PHLDB2: variants seen among roughly 807,000 people sequenced by gnomAD.
PHLDB2 encodes pleckstrin homology-like domain family B member 2.
A neutral mutation model predicts 123.6 loss-of-function variants in PHLDB2; 71 were observed. That is an observed-to-expected ratio of 0.57 (90% CI 0.47 to 0.70). The LOEUF (loss-of-function observed/expected upper bound fraction) is 0.70. PHLDB2 is among the 30% of genes least tolerant of loss of function. The probability of loss-of-function intolerance (pLI) is 0.00; values close to 1 mark genes in which losing one functional copy is unlikely to be tolerated. For synonymous variants in PHLDB2, 547 were observed against 541.6 expected (o/e 1.01, Z -0.14); for missense variants, 1,446 against 1,519.5 (o/e 0.95, Z 0.80).
chr3:111,919,018 G>A, intron 3 of PHLDB2, 54 bp from the exon 4 acceptor site: 1 of 1,587,220 alleles, frequency 6.3e-7, no homozygotes, highest in Non-Finnish European at 8.6e-7. Context: ...AGTCAAGTTG[G>A]GAAATTCTAG....
At chr3:111,882,884 A>G (rs1038257981) in intron 1 of PHLDB2, among the ~76,000 whole-genome samples, 5 of 152,206 alleles carry the variant, frequency 3.3e-5, no homozygotes, top group African/African-American at 9.6e-5. Flanking sequence ...GGACAACAAG[A>G]GCTAGAGGGG....
At chr3:111,860,492 G>A (rs911585474) in intron 1 of PHLDB2, among the ~76,000 whole-genome samples, 1 of 152,178 alleles carries the variant, frequency 6.6e-6, no homozygotes, top group African/African-American at 2.4e-5. Context: ...TTGCTGGTTC[G>A]CTTAATAACT....
At chr3:111,905,047 C>T (rs558499965) in intron 2 of PHLDB2, among the ~76,000 whole-genome samples, 83 of 152,230 alleles carry the variant, frequency 5.5e-4, no homozygotes, top group Admixed American at 1.3e-3. Context: ...TGCATGAGAG[C>T]GGGCCCTCTA....
At chr3:111,971,423 T>G (rs1483668731) in intron 16 of PHLDB2, among the ~76,000 whole-genome samples, 1 of 150,638 alleles carries the variant, frequency 6.6e-6, no homozygotes, top group Non-Finnish European at 1.5e-5. Context: ...AACCAAAACT[T>G]CTGGTGACTG....
chr3:111,782,894 T>C (rs1445179998), intron 1 of PHLDB2, among the ~76,000 whole-genome samples: 1 of 152,126 alleles, frequency 6.6e-6, no homozygotes, highest in Non-Finnish European at 1.5e-5. Context: ...TCTTCTTTTT[T>C]AGGATTCTCT....
At chr3:111,763,828 T>C (rs1440500071) in intron 1 of PHLDB2, among the ~76,000 whole-genome samples, 2 of 152,130 alleles carry the variant, frequency 1.3e-5, no homozygotes, top group Non-Finnish European at 2.9e-5. Flanking sequence ...AAACAGTCCC[T>C]CACCAGACAC....
intron 2 of PHLDB2, among the ~76,000 whole-genome samples, chr3:111,906,527 G>A (rs11716038): frequency 0.31 from 47,172 of 152,084 alleles, 7,606 homozygotes; most frequent in Middle Eastern, 0.38. Flanking sequence ...GAAGAGGGAA[G>A]TCTAGGGAAT....
chr3:111,906,786 T>TA (rs896554466), intron 2 of PHLDB2, among the ~76,000 whole-genome samples: 4 of 152,170 alleles, frequency 2.6e-5, no homozygotes, highest in Non-Finnish European at 4.4e-5. Context: ...TCCAATAACT[T>TA]ACAGTTGCCT....
At chr3:111,821,594 T>C (rs1226881595) in intron 1 of PHLDB2, among the ~76,000 whole-genome samples, 2 of 152,142 alleles carry the variant, frequency 1.3e-5, no homozygotes, top group Admixed American at 6.6e-5. Context: ...CCATCCACAA[T>C]ATGGAGGTAA....
At chr3:111,872,834 G>A (rs2065412701) in intron 1 of PHLDB2, among the ~76,000 whole-genome samples, 1 of 152,142 alleles carries the variant, frequency 6.6e-6, no homozygotes, top group Non-Finnish European at 1.5e-5. Context: ...GATTTGTAAG[G>A]TTAAGAGAAA....
At chr3:111,901,079 G>A (rs1439982305) in intron 2 of PHLDB2, among the ~76,000 whole-genome samples, 3 of 152,042 alleles carry the variant, frequency 2.0e-5, no homozygotes, top group Non-Finnish European at 4.4e-5. Flanking sequence ...TTTAACACAG[G>A]CCAGGCTTGG....
chr3:111,882,815 G>A (rs564900632), intron 1 of PHLDB2, among the ~76,000 whole-genome samples: 2 of 152,178 alleles, frequency 1.3e-5, no homozygotes, highest in Admixed American at 6.5e-5. Context: ...GGCTGAGAGG[G>A]AGTGAGGAAG....
chr3:111,835,696 C>G (rs542113189), intron 1 of PHLDB2, among the ~76,000 whole-genome samples: 5 of 152,302 alleles, frequency 3.3e-5, no homozygotes, highest in African/African-American at 1.2e-4. Flanking sequence ...AAGGATAGGA[C>G]TAGGAATCAT....
Position 111,815,660 on chromosome 3 carries a change from A to C in PHLDB2, c.-48-30161A>C, listed in dbSNP as rs547153791. On this transcript the variant is annotated intron_variant, in intron 1 of 17. Transcript: ENST00000393923. Reference sequence around the variant, plus strand: ...GGGTGACTTGGGTGCTGTTAGAGGCATTCAGTTTTATAAGGGAAGCAGAGC... The same window carrying C: ...GGGTGACTTGGGTGCTGTTAGAGGCCTTCAGTTTTATAAGGGAAGCAGAGC... 3.3e-5 allele frequency among the ~76,000 whole-genome samples: 5 copies of C among 152,346 alleles called. No homozygotes were observed. The East Asian group carries it at 9.6e-4, about 29-fold the overall frequency.
intron 1 of PHLDB2, among the ~76,000 whole-genome samples, chr3:111,840,130 T>C (rs1338444093): frequency 6.6e-6 from 1 of 151,760 alleles, no homozygotes; most frequent in African/African-American, 2.4e-5. Context: ...TACATGCCTG[T>C]AGTCCTACCT....
intron 6 of PHLDB2, among the ~76,000 whole-genome samples, chr3:111,939,220 TGTG>T (rs2069708434): frequency 4.7e-3 from 1 of 214 alleles, no homozygotes; most frequent in Non-Finnish European, 0.017. Context: ...AGCCACCCAG[TGTG>T]GGTTTAACGC....
At chr3:111,941,188 C>T (rs758404618) in intron 8 of PHLDB2, among the ~76,000 whole-genome samples, 5 of 152,184 alleles carry the variant, frequency 3.3e-5, no homozygotes, top group Admixed American at 1.3e-4. Flanking sequence ...AGACTATGTC[C>T]TCTTCTGGTC....
chr3:111,787,045 A>G (rs1388964437), intron 1 of PHLDB2, among the ~76,000 whole-genome samples: 1 of 152,200 alleles, frequency 6.6e-6, no homozygotes, highest in African/African-American at 2.4e-5. Flanking sequence ...TTCAAGGGCA[A>G]TTAAAGTGAA....
intron 8 of PHLDB2, among the ~76,000 whole-genome samples, chr3:111,943,637 A>G (rs1039314946): frequency 6.6e-6 from 1 of 152,224 alleles, no homozygotes. Context: ...GAAAAGTTAC[A>G]TGGGAAAATA....
Sources: allele counts gnomAD v4.1 joint callset (sites outside exome capture counted in the v4.1 genomes callset), GRCh38; gene constraint gnomAD v4.1.1; transcripts MANE v1.5; gene names NCBI Gene and HGNC (gene_info 2026-07-23, HGNC 2026-07-21).